Variants in RALY observed in about 807,000 individuals in gnomAD.
RALY encodes the protein RNA-binding protein Raly.
In RALY, 15 loss-of-function variants were observed where a neutral mutation model predicts 30.7. That is an observed-to-expected ratio of 0.49 (90% confidence interval 0.33 to 0.75). The LOEUF is 0.75. RALY is among the 30% of genes least tolerant of loss of function. The pLI, the probability that RALY is intolerant of heterozygous loss-of-function variation, is 0.02. For missense variants in RALY, 339 were observed against 414.3 expected, an observed-to-expected ratio of 0.82 and a Z score of 1.58; for synonymous variants, 177 against 170.8, an observed-to-expected ratio of 1.04 and a Z score of -0.28.
rs1217411370 is a variant in RALY at position 33,995,227 on chromosome 20, G to A, written c.-93+1096G>A. Among the ~76,000 whole-genome samples the A allele has an allele frequency of 3.9e-5, 6 of 152,308 alleles. No homozygotes were observed. In the East Asian group the frequency reaches 5.8e-4, roughly 15 times the overall value. ...GGATGAATTCCTTGCTAGTGTTGCG[G>A]CAGTTAGAAGTTGATGGATGCAGAC... is the stretch of plus-strand genomic sequence containing the variant. On this transcript the variant is annotated intron_variant, in intron 1 of 9. Coordinates refer to ENST00000246194, the MANE Select transcript of RALY (RefSeq NM_016732.3).
At position 34,078,562 on chromosome 20, in the gene RALY, G is replaced by A. The variant is rs367845223; in HGVS notation, c.*4+9G>A. ...GGCCTTGCAGTAAGCAGGTACAGGG[G>A]TCCTGTCCTGATGGGCAGAGGGTGG... On this transcript the variant is annotated intron_variant, in intron 9 of 9. Transcript: ENST00000246194. 2.6e-6 allele frequency: 4 copies of A among 1,562,974 alleles called. No homozygotes were observed. The highest frequency in any genetic ancestry group is 3.5e-6 in the Non-Finnish European group (4 of 1,155,094).
At chr20:34,077,930 A>G (rs1038255570) in intron 8 of RALY, among the ~76,000 whole-genome samples, 3 of 152,254 alleles carry the variant, frequency 2.0e-5, no homozygotes, top group African/African-American at 4.8e-5. Context: ...AGGCTCAGAA[A>G]GGCTGAGTGG....
chr20:34,021,829 G>T lies in RALY; in HGVS notation c.-92-9693G>T, dbSNP rs555645051. Among the ~76,000 whole-genome samples, 99 of 151,836 alleles carry T rather than the reference G, an allele frequency of 6.5e-4. 1 individual carries two copies. Among genetic ancestry groups the T allele is most frequent in the African/African-American group, 2.3e-3 (96 of 41,446 alleles). ...TCAGTCAGATCTTCCTCAGGAGACG[G>T]AACTCTTTTTAAAAAATTTGTTCTT... On this transcript the variant is annotated intron_variant, in intron 1 of 9. Coordinates refer to ENST00000246194, the MANE Select transcript of RALY (RefSeq NM_016732.3).
intron 1 of RALY, among the ~76,000 whole-genome samples, chr20:34,003,724 C>A (rs960644150): frequency 1.1e-4 from 16 of 146,746 alleles, no homozygotes; most frequent in Non-Finnish European, 1.9e-4. Context: ...ACTGCAAGCT[C>A]CGCCTCCCGG....
intron 2 of RALY, among the ~76,000 whole-genome samples, chr20:34,048,770 G>A (rs2123163513): frequency 6.7e-6 from 1 of 148,692 alleles, no homozygotes; most frequent in Admixed American, 6.9e-5. Context: ...GCAGGAGAAT[G>A]GCGTGAACCC....
intron 1 of RALY, among the ~76,000 whole-genome samples, chr20:34,026,656 C>T (rs116668815): frequency 0.021 from 3,259 of 151,906 alleles, 57 homozygotes; most frequent in African/African-American, 0.037. Context: ...GTGATCCGCC[C>T]GCCTTGGCCT....
chr20:34,037,008 C>G (rs1240535542), intron 2 of RALY, among the ~76,000 whole-genome samples: 1 of 151,842 alleles, frequency 6.6e-6, no homozygotes, highest in Non-Finnish European at 1.5e-5. Flanking sequence ...TTGCTCTTTT[C>G]TAGTTTCTTA....
intron 2 of RALY, among the ~76,000 whole-genome samples, chr20:34,046,652 A>G (rs2032889814): frequency 6.6e-6 from 1 of 152,142 alleles, no homozygotes; most frequent in South Asian, 2.1e-4. Flanking sequence ...TCCAAATAAA[A>G]AGTTAATTTT....
intron 1 of RALY, among the ~76,000 whole-genome samples, chr20:34,015,940 C>T (rs572241609): frequency 2.0e-5 from 3 of 152,242 alleles, no homozygotes; most frequent in East Asian, 1.9e-4. Context: ...TATTCCTCCT[C>T]CTCCCGTATG....
chr20:34,077,159 T>A lies in RALY; in HGVS notation c.790T>A (p.Ser264Thr). 2 of 1,613,332 alleles carry A rather than the reference T, an allele frequency of 1.2e-6. No homozygotes were observed. Among genetic ancestry groups the A allele is most frequent in the South Asian group, 2.2e-5 (2 of 91,028 alleles). The part of the protein sequence containing the change: ...RPPAPQENTT[S>T]EAGLPQGEAR... ...ACCAGCCCCCCAAGAGAACACAACT[T>A]CTGAGGCAGGCCTGCCCCAGGGGGA... The change falls in exon 8 of 10, where the codon TCT becomes ACT. Residue 264 changes from serine (S) to threonine (T), a missense_variant. Physicochemically the swap from Ser to Thr is moderately conservative, Grantham distance 58 (BLOSUM62 1). Around this residue, in one of 2 missense-constraint regions of RALY, gnomAD observed 268 missense variants for 280.6 expected, o/e 0.95. Transcript: ENST00000246194.
In RALY at chr20:34,083,951, A is replaced by AGTT. The variant is rs2034067025; in HGVS notation, c.*4048_*4049insTGT. 1 of 152,266 alleles carries AGTT rather than the reference A, an allele frequency of 6.6e-6. No homozygotes were observed. Among genetic ancestry groups the AGTT allele is most frequent in the African/African-American group, 2.4e-5 (1 of 41,470 alleles). 9.4% of individuals were successfully genotyped at this position (152,266 alleles called of 1,614,324 possible). On this transcript the variant is annotated 3_prime_UTR_variant, in exon 10 of 10. Transcript: ENST00000246194. ...CTTCATAATAAACTTCCTCCATAAC[A>AGTT]GTAAACCATTTCCTGAACACCTGCT...
chr20:34,073,654 C>A lies in RALY; in HGVS notation c.329+19C>A, dbSNP rs1046210833. 3 of 1,568,222 alleles carry A rather than the reference C, an allele frequency of 1.9e-6. No homozygotes were observed. The African/African-American group carries it at 4.1e-5, about 21-fold the overall frequency. The stretch of plus-strand genomic sequence containing the variant: ...TATACAGGTGGGGCTGTCTGACTGT[C>A]TGTCTGTCTGGTGGGATGACTCTCT... On this transcript the variant is annotated intron_variant, in intron 4 of 9. Transcript: ENST00000246194.
intron 2 of RALY, among the ~76,000 whole-genome samples, chr20:34,055,838 A>G (rs1331520072): frequency 6.6e-6 from 1 of 152,140 alleles, no homozygotes; most frequent in Non-Finnish European, 1.5e-5. Context: ...TGCATATATT[A>G]CCTCCAGTTA....
intron 1 of RALY, among the ~76,000 whole-genome samples, chr20:34,001,614 C>T (rs1405855962): frequency 6.6e-6 from 1 of 152,154 alleles, no homozygotes; most frequent in East Asian, 1.9e-4. Flanking sequence ...CATGGTGTCT[C>T]TTGATCTATT....
At position 34,058,735 on chromosome 20, in the gene RALY, C is replaced by A. The variant is rs116068804; in HGVS notation, c.-9-13331C>A. The stretch of plus-strand genomic sequence containing the variant: ...GGTCACACAACTAGTAAGTGCTGAT[C>A]CTGGATTTAAACCCACTAGGGTTTA... On this transcript the variant is annotated intron_variant, in intron 2 of 9. Coordinates refer to ENST00000246194, the MANE Select transcript of RALY (RefSeq NM_016732.3). 2.1e-3 allele frequency among the ~76,000 whole-genome samples: 323 copies of A among 152,264 alleles called. 1 individual carries two copies. Among genetic ancestry groups the A allele is most frequent in the African/African-American group, 7.5e-3 (313 of 41,540 alleles).
chr20:34,033,146 A>G (rs1230618959), intron 2 of RALY: 1 of 152,238 alleles, frequency 6.6e-6, no homozygotes. Flanking sequence ...TTCTCTCTCA[A>G]CATGTGCCCT....
chr20:34,036,078 G>A lies in RALY; in HGVS notation c.-10+4474G>A, dbSNP rs537964684. ...ACCAGATCATGGAGAGCTTTATTCT[G>A]AGTTAAATAGGAAGACATTGGAGAG... On this transcript the variant is annotated intron_variant, in intron 2 of 9. Coordinates refer to ENST00000246194, the MANE Select transcript of RALY (RefSeq NM_016732.3). Among the ~76,000 whole-genome samples, 4 of 152,018 alleles carry A rather than the reference G, an allele frequency of 2.6e-5. No homozygotes were observed. The South Asian group carries it at 8.3e-4, about 32-fold the overall frequency.
chr20:34,083,311 C>T lies in RALY; in HGVS notation c.*3406C>T, dbSNP rs1051864547. 6.6e-6 allele frequency: 1 copy of T among 152,218 alleles called. No individual in the cohort carries two copies. The highest frequency in any genetic ancestry group is 1.5e-5 in the Non-Finnish European group (1 of 68,070). The allele number at this position is 152,218 out of a possible 1,614,324, so 9.4% of individuals were successfully genotyped here. ...GCTGGTCTCAGATGGCCTCGCCCGC[C>T]TGTCAGGTGGTTGGCTGGGCAACTG... is the stretch of plus-strand genomic sequence containing the variant. On this transcript the variant is annotated 3_prime_UTR_variant, in exon 10 of 10. Transcript: ENST00000246194.
chr20:34,016,462 C>G (rs1325922621), intron 1 of RALY: 1 of 152,214 alleles, frequency 6.6e-6, no homozygotes, highest in Non-Finnish European at 1.5e-5. Context: ...CCATACTTAG[C>G]ACAAGAAAGC....
Sources: gnomAD v4.1 joint callset for allele counts (sites outside exome capture counted in the v4.1 genomes callset) on GRCh38, gnomAD v4.1.1 for gene constraint, gnomAD v4.1.1 regional missense constraint, MANE v1.5 for transcripts, NCBI Gene and HGNC (gene_info 2026-07-23, HGNC 2026-07-21) for gene names.